The following PRRC1 variants were observed in gnomAD, a reference collection of about 807,000 sequenced individuals.
PRRC1 encodes proline rich coiled-coil 1, also known as protein PRRC1.
A neutral mutation model predicts 40.7 loss-of-function variants in PRRC1; 39 were observed. That is an observed-to-expected ratio of 0.96 (90% confidence interval 0.74 to 1.25). The LOEUF is 1.25. PRRC1 is among the 50% of genes most tolerant of loss of function. The pLI is 0.00. For synonymous variants in PRRC1, 175 were observed against 193.3 expected, an observed-to-expected ratio of 0.91 and a Z score of 0.79; for missense variants, 573 against 548.3, an observed-to-expected ratio of 1.05 and a Z score of -0.45.
At position 127,533,756 on chromosome 5, in the gene PRRC1, A is replaced by C. The variant is rs770620743; in HGVS notation, c.891A>C (p.Pro297=). The C allele has an allele frequency of 6.2e-7, 1 of 1,614,112 alleles. No individual in the cohort carries two copies. The highest frequency in any genetic ancestry group is 8.5e-7 in the Non-Finnish European group (1 of 1,179,988). ...VGEAGQSNIA[P]QPVGYAAGLK... ...AAGCTGGACAGTCCAATATTGCCCC[A>C]CAACCAGTGGGCTATGCAGCTGGAT... Residue 297 remains proline (P), a synonymous_variant, in exon 6 of 9, where the codon CCA becomes CCC. Coordinates refer to ENST00000296666, the MANE Select transcript of PRRC1 (RefSeq NM_130809.5).
Position 127,547,860 on chromosome 5 carries a change from A to G in PRRC1, c.1067A>G (p.His356Arg), listed in dbSNP as rs746292314. 4 of 1,613,660 alleles carry G rather than the reference A, an allele frequency of 2.5e-6. No homozygotes were observed. Among genetic ancestry groups the G allele is most frequent in the South Asian group, 1.1e-5 (1 of 91,030 alleles). Residue 356 changes from histidine (H) to arginine (R), a missense_variant, in exon 8 of 9, where the codon CAT (histidine) becomes CGT (arginine). By Grantham distance (29) the His-to-Arg change is conservative. Coordinates refer to ENST00000296666, the MANE Select transcript of PRRC1 (RefSeq NM_130809.5). ...IGCLVVEDPV[H>R]GIHLETFTQA... is the part of the protein sequence containing the mutation. ...TGTTTGGTGGTTGAAGATCCTGTCCATGGCATTCATCTAGAAACATTTACA... is the reference window on the plus strand; with the variant it reads ...TGTTTGGTGGTTGAAGATCCTGTCCGTGGCATTCATCTAGAAACATTTACA...
chr5:127,528,052 G>T (rs76785268), intron 4 of PRRC1, among the ~76,000 whole-genome samples: 1 of 152,028 alleles, frequency 6.6e-6, no homozygotes, highest in African/African-American at 2.4e-5. Context: ...ACATTTTCTC[G>T]TATGATTTTT....
At chr5:127,528,911 A>G (rs935106431) in intron 4 of PRRC1, among the ~76,000 whole-genome samples, 11 of 152,174 alleles carry the variant, frequency 7.2e-5, no homozygotes, top group Non-Finnish European at 1.3e-4. Context: ...TCTGTATTCT[A>G]GTCCACTGCT....
At chr5:127,527,576 A>G (rs186288595) in intron 4 of PRRC1, among the ~76,000 whole-genome samples, 112 of 151,964 alleles carry the variant, frequency 7.4e-4, no homozygotes, top group Non-Finnish European at 1.3e-3. Flanking sequence ...TGAGCAACAT[A>G]ATGAGACCCA....
intron 7 of PRRC1, among the ~76,000 whole-genome samples, chr5:127,544,889 GT>G (rs1473787471): frequency 6.6e-6 from 1 of 152,212 alleles, no homozygotes; most frequent in Admixed American, 6.5e-5. Flanking sequence ...TGCACCCACT[GT>G]CCTGGGCCCA....
chr5:127,545,222 A>G (rs1323064442), intron 7 of PRRC1, among the ~76,000 whole-genome samples: 1 of 151,870 alleles, frequency 6.6e-6, no homozygotes, highest in African/African-American at 2.4e-5. Flanking sequence ...TGTGGAAGTC[A>G]GTGTGGCGAT....
intron 8 of PRRC1, chr5:127,549,022 G>C (rs1011115645): frequency 6.6e-6 from 1 of 152,090 alleles, no homozygotes; most frequent in African/African-American, 2.4e-5. Context: ...GAAAATAGAA[G>C]TTTTGCCATA....
At position 127,552,040 on chromosome 5, in the gene PRRC1, C is replaced by G. The variant is rs1390269600; in HGVS notation, c.*124C>G. On this transcript the variant is annotated 3_prime_UTR_variant, in exon 9 of 9. Transcript: ENST00000296666. ...AGTAGTTTTTATCATTTTCCTGTAG[C>G]CTGCAATTTTTCTTTCTCTAGAAAG... 6.9e-7 allele frequency: 1 copy of G among 1,458,322 alleles called. No homozygotes were observed. The highest frequency in any genetic ancestry group is 9.0e-7 in the Non-Finnish European group (1 of 1,105,210). The allele number at this position is 1,458,322 out of a possible 1,614,324, so 90.3% of individuals were successfully genotyped here. A position where few individuals can be genotyped will look rare whatever the true frequency, so the allele number is the denominator to read the frequency against.
chr5:127,528,455 C>T (rs892058211), intron 4 of PRRC1, among the ~76,000 whole-genome samples: 4 of 152,104 alleles, frequency 2.6e-5, no homozygotes, highest in African/African-American at 4.8e-5. Context: ...GCTGGGATTA[C>T]AGGCATCTGC....
At chr5:127,529,138 A>G (rs1381150868) in intron 4 of PRRC1, among the ~76,000 whole-genome samples, 2 of 151,368 alleles carry the variant, frequency 1.3e-5, no homozygotes, top group South Asian at 2.1e-4. Flanking sequence ...ATCTTTCCCA[A>G]TTTTTTTTGC....
chr5:127,546,824 T>G (rs1333176025), intron 7 of PRRC1, among the ~76,000 whole-genome samples: 2 of 152,172 alleles, frequency 1.3e-5, no homozygotes, highest in African/African-American at 4.8e-5. Context: ...TACATTATCT[T>G]GATTGAGAAA....
Position 127,523,585 on chromosome 5 carries a change from A to G in PRRC1, c.103+3A>G, listed in dbSNP as rs1341366497. Reference sequence around the variant, plus strand: ...GTCTTCTACCCCTGTTCCATTAGGTACATGTAGTTGTCTAACATCTCGTGT... The same window carrying G: ...GTCTTCTACCCCTGTTCCATTAGGTGCATGTAGTTGTCTAACATCTCGTGT... On this transcript the variant is annotated splice_donor_region_variant and intron_variant, in intron 2 of 8. Coordinates refer to ENST00000296666, the MANE Select transcript of PRRC1 (RefSeq NM_130809.5). 1.3e-6 allele frequency: 2 copies of G among 1,577,396 alleles called. No homozygotes were observed. The highest frequency in any genetic ancestry group is 8.6e-7 in the Non-Finnish European group (1 of 1,158,042).
At chr5:127,525,077 C>G (rs1407816585) in intron 3 of PRRC1, among the ~76,000 whole-genome samples, 157 bp downstream of exon 3, 1 of 152,030 alleles carries the variant, frequency 6.6e-6, no homozygotes, top group Non-Finnish European at 1.5e-5. Context: ...ATTGTGCATC[C>G]CTTGTCGCAA....
intron 3 of PRRC1, among the ~76,000 whole-genome samples, chr5:127,525,633 C>T (rs1767597692): frequency 6.6e-6 from 1 of 152,134 alleles, no homozygotes; most frequent in African/African-American, 2.4e-5. Context: ...GGGCGGGGTC[C>T]CACTTTCTCT....
rs1280047411 is a variant in PRRC1, at chr5:127,551,938, T to G, written c.*22T>G. 1 of 1,613,062 alleles carries G rather than the reference T, an allele frequency of 6.2e-7. No homozygotes were observed. Among genetic ancestry groups the G allele is most frequent in the Admixed American group, 1.7e-5 (1 of 59,956 alleles). On this transcript the variant is annotated 3_prime_UTR_variant, in exon 9 of 9. Coordinates refer to ENST00000296666, the MANE Select transcript of PRRC1 (RefSeq NM_130809.5). ...GTGAGAGGAGACCTACCTGGGAGAC[T>G]GAGACTTTCCCCCACTTTTAGCTTG...
chr5:127,524,804 C>T lies in PRRC1; in HGVS notation c.377C>T (p.Ser126Leu), dbSNP rs143797909. The T allele has an allele frequency of 3.9e-5, 63 of 1,614,052 alleles. No individual in the cohort carries two copies. The highest frequency in any genetic ancestry group is 3.2e-4 in the Admixed American group (19 of 59,998). ...AACACTCTTTTACCTGCACCCCCTT[C>T]GGGTCCTCCTATATCAGGATTTTCT... ...APNTLLPAPP[S>L]GPPISGFSVG... The change falls in exon 3 of 9, where the codon TCG (serine) becomes TTG (leucine). Residue 126 changes from serine (S) to leucine (L), a missense_variant. Physicochemically the swap from Ser to Leu is moderately radical, Grantham distance 145. Transcript: ENST00000296666.
chr5:127,546,243 A>T (rs1325314019), intron 7 of PRRC1, among the ~76,000 whole-genome samples: 1 of 152,170 alleles, frequency 6.6e-6, no homozygotes, highest in Non-Finnish European at 1.5e-5. Context: ...TAGAGTTCTT[A>T]CCTTTTAAAA....
intron 8 of PRRC1, chr5:127,548,748 T>C (rs1768293754): frequency 6.6e-6 from 1 of 152,286 alleles, no homozygotes; most frequent in African/African-American, 2.4e-5. Flanking sequence ...TTGGCATATG[T>C]GTTCACATAA....
intron 3 of PRRC1, among the ~76,000 whole-genome samples, chr5:127,526,185 G>A (rs906724039): frequency 3.3e-5 from 5 of 152,156 alleles, no homozygotes; most frequent in African/African-American, 7.2e-5. Context: ...TTATTGCAGA[G>A]TGCAAGTACT....
Sources: allele counts gnomAD v4.1 joint callset (sites outside exome capture counted in the v4.1 genomes callset), GRCh38; gene constraint gnomAD v4.1.1; transcripts MANE v1.5; gene names NCBI Gene and HGNC (gene_info 2026-07-23, HGNC 2026-07-21).